SHISA6: variants seen among roughly 807,000 people sequenced by gnomAD.
SHISA6 encodes the protein shisa family member 6, also known as protein shisa-6.
In SHISA6, 22 loss-of-function variants were observed where a neutral mutation model predicts 47.9. That is an observed-to-expected ratio of 0.46 (90% CI 0.33 to 0.66). The LOEUF (loss-of-function observed/expected upper bound fraction) is 0.66. SHISA6 is among the 30% of genes least tolerant of loss of function. The probability of loss-of-function intolerance (pLI) is 0.02; values close to 1 mark genes in which losing one functional copy is unlikely to be tolerated. For missense variants in SHISA6, 680 were observed against 764.6 expected, an observed-to-expected ratio of 0.89 and a Z score of 1.30; for synonymous variants, 388 against 337.8, an observed-to-expected ratio of 1.15 and a Z score of -1.63.
Position 11,392,392 on chromosome 17 carries a change from G to A in SHISA6, c.895+12883G>A, listed in dbSNP as rs944802593. Among the ~76,000 whole-genome samples, 13 of 152,158 alleles carry A rather than the reference G, an allele frequency of 8.5e-5. No homozygotes were observed. The South Asian group carries it at 1.7e-3, about 19-fold the overall frequency. On this transcript the variant is annotated intron_variant, in intron 3 of 5. Transcript: ENST00000441885. Reference sequence around the variant, plus strand: ...TAGTAGAGGGGTGTTGGCTCTTGGGGGAGGATTCCTCAGGAATAGATTATT... The same window carrying A: ...TAGTAGAGGGGTGTTGGCTCTTGGGAGAGGATTCCTCAGGAATAGATTATT...
rs558547855 is a variant in SHISA6, at chr17:11,311,528, A to G, written c.799+48002A>G. On this transcript the variant is annotated intron_variant, in intron 2 of 5. Transcript: ENST00000441885. ...TGGAATGCTTACCTCTTTTTTCCTTAGCAGCATAAGTATAAGGCATTCCTT... is the reference window on the plus strand; with the variant it reads ...TGGAATGCTTACCTCTTTTTTCCTTGGCAGCATAAGTATAAGGCATTCCTT... Among the ~76,000 whole-genome samples the G allele has an allele frequency of 2.6e-5, 4 of 152,268 alleles. No individual in the cohort carries two copies. In the East Asian group the frequency reaches 7.7e-4, roughly 29 times the overall value.
At chr17:11,413,020 A>G (rs1054343804) in intron 3 of SHISA6, among the ~76,000 whole-genome samples, 4 of 152,160 alleles carry the variant, frequency 2.6e-5, no homozygotes, top group African/African-American at 4.8e-5. Context: ...TACTGGGGGA[A>G]AGGCATGACT....
At chr17:11,399,593 TG>T (rs552332669) in intron 3 of SHISA6, among the ~76,000 whole-genome samples, 24 of 152,222 alleles carry the variant, frequency 1.6e-4, no homozygotes, top group African/African-American at 5.8e-4. Flanking sequence ...AGCTAATTTT[TG>T]TATTTTTAGT....
At position 11,408,206 on chromosome 17, in the gene SHISA6, C is replaced by T. The variant is rs140411999; in HGVS notation, c.895+28697C>T. ...CAATAGTTTCTATGTTCTCACTCCTCCTTATGCCACATGGGAAACTATTAG... is the reference window on the plus strand; with the variant it reads ...CAATAGTTTCTATGTTCTCACTCCTTCTTATGCCACATGGGAAACTATTAG... On this transcript the variant is annotated intron_variant, in intron 3 of 5. Coordinates refer to ENST00000441885, the MANE Select transcript of SHISA6 (RefSeq NM_207386.4). 1.3e-3 allele frequency among the ~76,000 whole-genome samples: 193 copies of T among 152,272 alleles called. 3 individuals are homozygous for T. The South Asian group carries it at 0.021, about 16-fold the overall frequency.
intron 3 of SHISA6, among the ~76,000 whole-genome samples, chr17:11,419,163 A>C (rs1436655882): frequency 6.6e-6 from 1 of 152,120 alleles, no homozygotes; most frequent in Non-Finnish European, 1.5e-5. Flanking sequence ...ACATGTATAC[A>C]TATGTAACAA....
At chr17:11,346,724 A>G (rs1301973374) in intron 2 of SHISA6, among the ~76,000 whole-genome samples, 1 of 152,184 alleles carries the variant, frequency 6.6e-6, no homozygotes, top group African/African-American at 2.4e-5. Context: ...TGTTGAAATA[A>G]TTGTCACTCA....
intron 3 of SHISA6, among the ~76,000 whole-genome samples, chr17:11,495,637 C>T (rs987140915): frequency 2.6e-5 from 4 of 152,170 alleles, no homozygotes; most frequent in East Asian, 1.9e-4. Flanking sequence ...TATGTCCCAG[C>T]CTGGCAGTGA....
At chr17:11,501,237 G>C (rs1032650859) in intron 3 of SHISA6, among the ~76,000 whole-genome samples, 1 of 151,452 alleles carries the variant, frequency 6.6e-6, no homozygotes, top group Non-Finnish European at 1.5e-5. Flanking sequence ...CTCAGCCTCC[G>C]GAGTAGCTGG....
intron 1 of SHISA6, among the ~76,000 whole-genome samples, chr17:11,250,178 T>C (rs1224250150): frequency 6.6e-6 from 1 of 152,172 alleles, no homozygotes; most frequent in African/African-American, 2.4e-5. Flanking sequence ...TAATTTAGCT[T>C]CCTAGTTTGA....
At chr17:11,356,592 A>T (rs1912087465) in intron 2 of SHISA6, among the ~76,000 whole-genome samples, 2 of 152,106 alleles carry the variant, frequency 1.3e-5, no homozygotes, top group Admixed American at 1.3e-4. Flanking sequence ...GTCACACTCC[A>T]TCTGCTTGGC....
At position 11,471,043 on chromosome 17, in the gene SHISA6, C is replaced by T. The variant is rs145866816; in HGVS notation, c.896-80853C>T. Among the ~76,000 whole-genome samples, 599 of 152,124 alleles carry T rather than the reference C, an allele frequency of 3.9e-3. 4 individuals are homozygous for T. Among genetic ancestry groups the T allele is most frequent in the African/African-American group, 0.014 (567 of 41,502 alleles). On this transcript the variant is annotated intron_variant, in intron 3 of 5. Transcript: ENST00000441885. ...TGGCCAACATGGCAAAACCCTGTCTCTACTAAAAATACAAAATTACCTGGG... is the reference window on the plus strand; with the variant it reads ...TGGCCAACATGGCAAAACCCTGTCTTTACTAAAAATACAAAATTACCTGGG...
chr17:11,371,864 C>T (rs538540297), intron 2 of SHISA6, among the ~76,000 whole-genome samples: 2 of 151,982 alleles, frequency 1.3e-5, no homozygotes, highest in East Asian at 3.9e-4. Context: ...AAGGCAAATG[C>T]CTCCCTCCCA....
At chr17:11,379,888 A>G (rs1459732086) in intron 3 of SHISA6, 1 of 238,340 alleles carries the variant, frequency 4.2e-6, no homozygotes, top group Non-Finnish European at 8.1e-6. Flanking sequence ...TACATTTTAT[A>G]AACCAATGTC....
chr17:11,305,785 G>A (rs934983858), intron 2 of SHISA6, among the ~76,000 whole-genome samples: 1 of 152,170 alleles, frequency 6.6e-6, no homozygotes, highest in African/African-American at 2.4e-5. Flanking sequence ...CTCCACCTGC[G>A]TGTAGCACCA....
intron 3 of SHISA6, among the ~76,000 whole-genome samples, chr17:11,465,312 C>T (rs528448610): frequency 3.9e-5 from 6 of 152,336 alleles, no homozygotes; most frequent in African/African-American, 1.4e-4. Flanking sequence ...TTAATATGCT[C>T]ATGCCTCTCG....
At chr17:11,320,935 C>T (rs1406970164) in intron 2 of SHISA6, among the ~76,000 whole-genome samples, 1 of 152,198 alleles carries the variant, frequency 6.6e-6, no homozygotes, top group African/African-American at 2.4e-5. Context: ...CCAGACAGAT[C>T]ATATACAGAT....
chr17:11,355,001 T>C (rs1455249310), intron 2 of SHISA6, among the ~76,000 whole-genome samples: 3 of 152,200 alleles, frequency 2.0e-5, no homozygotes, highest in Admixed American at 6.5e-5. Flanking sequence ...ACACCTTAAA[T>C]TGGGATTCTT....
chr17:11,390,766 C>G (rs1402867151), intron 3 of SHISA6, among the ~76,000 whole-genome samples: 6 of 152,036 alleles, frequency 3.9e-5, no homozygotes, highest in Admixed American at 3.9e-4. Context: ...GATGCAGAGA[C>G]CTCTTAAGAT....
chr17:11,348,574 C>T (rs909448780), intron 2 of SHISA6, among the ~76,000 whole-genome samples: 5 of 151,986 alleles, frequency 3.3e-5, no homozygotes, highest in Admixed American at 3.3e-4. Flanking sequence ...TCCCAATAGG[C>T]CTCCTCAATC....
Sources: gnomAD v4.1 joint callset for allele counts (sites outside exome capture counted in the v4.1 genomes callset) on GRCh38, gnomAD v4.1.1 for gene constraint, MANE v1.5 for transcripts, NCBI Gene and HGNC (gene_info 2026-07-23, HGNC 2026-07-21) for gene names.